The following MAX variants were observed in gnomAD, a reference collection of about 807,000 sequenced individuals.
MAX encodes MYC associated transcriptional regulator X, also known as protein max.
MAX carries 3 observed loss-of-function variants against 22.3 expected under a neutral mutation model. The ratio of observed to expected loss-of-function variants is 0.13; its 90% CI spans 0.06 to 0.35. The LOEUF is 0.35. MAX is among the 10% of genes least tolerant of loss of function. The pLI is 1.00. For synonymous variants in MAX, 72 were observed against 77.7 expected (o/e 0.93, Z 0.39); for missense variants, 119 against 209.4 (o/e 0.57, Z 2.66).
intron 3 of MAX, chr14:65,040,820 G>A (rs138149266): frequency 5.6e-6 from 9 of 1,613,532 alleles, no homozygotes. Flanking sequence ...GCATTGGCGG[G>A]GTACCAGGGA....
At chr14:65,034,414 A>G (rs966743457) in intron 3 of MAX, among the ~76,000 whole-genome samples, 2 of 152,244 alleles carry the variant, frequency 1.3e-5, no homozygotes, top group African/African-American at 2.4e-5. Context: ...TCTTGCATGT[A>G]TCTGTGTTCT....
downstream of MAX, among the ~76,000 whole-genome samples, chr14:65,073,937 A>C (rs1205688896): frequency 6.6e-6 from 1 of 152,194 alleles, no homozygotes; most frequent in African/African-American, 2.4e-5. Context: ...TGAAATCTAG[A>C]GAAGCCTAAA....
chr14:65,043,857 A>G (rs1041819795), intron 3 of MAX, among the ~76,000 whole-genome samples: 6 of 147,688 alleles, frequency 4.1e-5, no homozygotes, highest in African/African-American at 1.5e-4. Context: ...AAAAAAAAAA[A>G]AAAGAAATGT....
intron 3 of MAX, among the ~76,000 whole-genome samples, chr14:65,016,298 G>A (rs912629793): frequency 1.3e-5 from 2 of 152,272 alleles, no homozygotes; most frequent in East Asian, 1.9e-4. Flanking sequence ...GATGGCATTC[G>A]TGATCTGGCA....
chr14:65,094,868 T>C (rs995931683), intron 2 of MAX, among the ~76,000 whole-genome samples: 4 of 152,222 alleles, frequency 2.6e-5, no homozygotes, highest in African/African-American at 9.6e-5. Context: ...GCTCTGAACA[T>C]TCACCTTGAA....
chr14:65,085,508 G>A (rs557751043), intron 3 of MAX, among the ~76,000 whole-genome samples: 1 of 152,282 alleles, frequency 6.6e-6, no homozygotes, highest in East Asian at 1.9e-4. Flanking sequence ...TTGGGGGAGT[G>A]AGACCTCTCT....
chr14:65,077,543 C>G lies in MAX; in HGVS notation c.295+370G>C. The G allele has an allele frequency of 1.1e-6, 1 of 923,012 alleles. No individual in the cohort carries two copies. The allele number at this position is 923,012 out of a possible 1,614,324, so 57.2% of individuals were successfully genotyped here. A position where few individuals can be genotyped will look rare whatever the true frequency, so the allele number is the denominator to read the frequency against. ...GGGAGGGCTCACTGTCCCTGAACAC[C>G]TGGAGTCTCTGGTACTTACACAGCA... On this transcript the variant is annotated intron_variant, in intron 4 of 4. Transcript: ENST00000358664. This position sits in a 1 kb window ranked among gnomAD's most constrained non-coding sequence, Gnocchi z 6.3.
intron 3 of MAX, among the ~76,000 whole-genome samples, chr14:65,051,710 C>A (rs1033365792): frequency 2.0e-5 from 3 of 151,672 alleles, no homozygotes; most frequent in African/African-American, 7.3e-5. Context: ...TTTTAGAAAT[C>A]TTTTCCCCCG....
Position 65,093,848 on chromosome 14 carries a change from T to G in MAX, c.64-33A>C. The G allele has an allele frequency of 8.2e-7, 1 of 1,221,190 alleles. No homozygotes were observed. 75.6% of individuals were successfully genotyped at this position (1,221,190 alleles called of 1,614,324 possible). A position where few individuals can be genotyped will look rare whatever the true frequency, so the allele number is the denominator to read the frequency against. ...AATGGGAGAAAGAACACATTAGGAA[T>G]GTCACTCCTTTTGCTTGGTACAAGG... On this transcript the variant is annotated intron_variant, in intron 2 of 4. Coordinates refer to ENST00000358664, the MANE Select transcript of MAX (RefSeq NM_002382.5). The surrounding 1 kb of genome is among the most constrained non-coding windows in gnomAD (Gnocchi z 4.4).
chr14:65,032,797 C>A lies in MAX; in HGVS notation c.172-26513G>T, dbSNP rs572418595. On this transcript the variant is annotated intron_variant, in intron 3 of 3. Transcript: ENST00000341653. This position sits in a 1 kb window ranked among gnomAD's most constrained non-coding sequence, Gnocchi z 5.0. The stretch of plus-strand genomic sequence containing the variant: ...ATGCAGAGGGACTTGGAAGGAAATA[C>A]AAAAATCACAGGAGATCCATTAGGG... 3 of 1,136,176 alleles carry A rather than the reference C, an allele frequency of 2.6e-6. No homozygotes were observed. The highest frequency in any genetic ancestry group is 1.6e-5 in the South Asian group (1 of 62,292). The allele number at this position is 1,136,176 out of a possible 1,614,324, so 70.4% of individuals were successfully genotyped here. A position where few individuals can be genotyped will look rare whatever the true frequency, so the allele number is the denominator to read the frequency against.
chr14:65,096,636 A>G (rs2063682980), intron 2 of MAX, among the ~76,000 whole-genome samples: 1 of 152,116 alleles, frequency 6.6e-6, no homozygotes, highest in South Asian at 2.1e-4. Context: ...AAGATTTCAG[A>G]GTTGAAGAAG....
In MAX at chr14:65,030,267, T is replaced by A. The variant is rs2062054172; in HGVS notation, c.172-23983A>T. Among the ~76,000 whole-genome samples, 1 of 152,214 alleles carries A rather than the reference T, an allele frequency of 6.6e-6. No homozygotes were observed. Among genetic ancestry groups the A allele is most frequent in the Non-Finnish European group, 1.5e-5 (1 of 68,042 alleles). Reference sequence around the variant, plus strand: ...AATTAGCTGCTGGTAGATGATCACATTTGGCATTGGCACTTGTGACTCTTG... The same window carrying A: ...AATTAGCTGCTGGTAGATGATCACAATTGGCATTGGCACTTGTGACTCTTG... On this transcript the variant is annotated intron_variant, in intron 3 of 3. Coordinates refer to the MAX transcript ENST00000341653. The surrounding 1 kb of genome is among the most constrained non-coding windows in gnomAD (Gnocchi z 4.5).
intron 3 of MAX, among the ~76,000 whole-genome samples, chr14:65,051,949 C>T (rs372013226): frequency 5.9e-4 from 90 of 152,010 alleles, no homozygotes; most frequent in African/African-American, 2.1e-3. Context: ...CGCCCACCAC[C>T]ATGTCCGGCT....
intron 3 of MAX, among the ~76,000 whole-genome samples, chr14:65,041,247 A>G (rs2062345793): frequency 6.6e-6 from 1 of 152,200 alleles, no homozygotes; most frequent in South Asian, 2.1e-4. Context: ...CTAAGAGGAA[A>G]AGTTACAAGA....
chr14:65,007,781 A>G lies in MAX; in HGVS notation c.172-1497T>C, dbSNP rs1294846229. On this transcript the variant is annotated intron_variant, in intron 3 of 3. Transcript: ENST00000341653. The surrounding 1 kb of genome is among the most constrained non-coding windows in gnomAD (Gnocchi z 4.9). ...TTGCATTTATCACCTTGGCTTTAAT[A>G]AGAAACCTGAAATGCATAAACTACA... Among the ~76,000 whole-genome samples, 1 of 152,186 alleles carries G rather than the reference A, an allele frequency of 6.6e-6. No individual in the cohort carries two copies. Among genetic ancestry groups the G allele is most frequent in the Non-Finnish European group, 1.5e-5 (1 of 68,036 alleles).
Position 65,012,257 on chromosome 14 carries a change from C to A in MAX, c.172-5973G>T. The A allele has an allele frequency of 6.2e-7, 1 of 1,601,704 alleles. No homozygotes were observed. The highest frequency in any genetic ancestry group is 8.6e-7 in the Non-Finnish European group (1 of 1,169,528). ...ACCCGTGTGTGTGTACGTGCACATA[C>A]GTGTGTATGGTGGAAGCATAAGCTA... is the stretch of plus-strand genomic sequence containing the variant. On this transcript the variant is annotated intron_variant, in intron 3 of 3. Coordinates refer to the MAX transcript ENST00000341653. This position sits in a 1 kb window ranked among gnomAD's most constrained non-coding sequence, Gnocchi z 5.0.
chr14:65,047,369 A>G lies in MAX; in HGVS notation c.172-41085T>C, dbSNP rs1397217959. ...GTTGTGTGAATCCAGACTAGCTGGC[A>G]TCTGAACCCTGCCCTGCTCATAACC... On this transcript the variant is annotated intron_variant, in intron 3 of 3. Coordinates refer to the MAX transcript ENST00000341653. This position sits in a 1 kb window ranked among gnomAD's most constrained non-coding sequence, Gnocchi z 5.2. 6.6e-6 allele frequency among the ~76,000 whole-genome samples: 1 copy of G among 152,248 alleles called. No individual in the cohort carries two copies. The highest frequency in any genetic ancestry group is 1.5e-5 in the Non-Finnish European group (1 of 68,050).
intron 3 of MAX, among the ~76,000 whole-genome samples, chr14:65,065,121 C>T (rs557918781): frequency 1.8e-4 from 23 of 130,976 alleles, no homozygotes; most frequent in African/African-American, 7.8e-4. Context: ...AGAGAGACGT[C>T]GTGGACACTG....
rs750680125 is a variant in MAX at position 65,076,156 on chromosome 14, A to C, written c.*320T>G. 6.2e-5 allele frequency: 84 copies of C among 1,349,834 alleles called. No individual in the cohort carries two copies. The Admixed American group carries it at 8.1e-4, about 13-fold the overall frequency. The allele number at this position is 1,349,834 out of a possible 1,614,324, so 83.6% of individuals were successfully genotyped here. Reference sequence around the variant, plus strand: ...GAGGAGCTGGTAGGGTGGGCAGGACACTATGTGCTCAGAGGTCCGGCCGGC... The same window carrying C: ...GAGGAGCTGGTAGGGTGGGCAGGACCCTATGTGCTCAGAGGTCCGGCCGGC... On this transcript the variant is annotated 3_prime_UTR_variant, in exon 5 of 5. Coordinates refer to ENST00000358664, the MANE Select transcript of MAX (RefSeq NM_002382.5). This position sits in a 1 kb window ranked among gnomAD's most constrained non-coding sequence, Gnocchi z 6.6.
Sources: allele counts gnomAD v4.1 joint callset (sites outside exome capture counted in the v4.1 genomes callset), GRCh38; gene constraint gnomAD v4.1.1; non-coding constraint Gnocchi (gnomAD v3.1); transcripts MANE v1.5; gene names NCBI Gene and HGNC (gene_info 2026-07-23, HGNC 2026-07-21).